Variants in MYO16 observed in about 807,000 individuals in gnomAD.
The protein encoded by MYO16 is myosin XVI, also known as unconventional myosin-XVI.
In MYO16, 94 loss-of-function variants were observed where a neutral mutation model predicts 205.3. The observed-to-expected ratio is 0.46, with a 90% CI of 0.39 to 0.54. The LOEUF (loss-of-function observed/expected upper bound fraction) is 0.54. Among genes scored for constraint, MYO16 ranks in the 20% least tolerant of loss-of-function variants. The probability of loss-of-function intolerance (pLI) is 0.00; values close to 1 mark genes in which losing one functional copy is unlikely to be tolerated. For synonymous variants in MYO16, 988 were observed against 954.0 expected, an observed-to-expected ratio of 1.04 and a Z score of -0.66; for missense variants, 2,315 against 2,387.5, an observed-to-expected ratio of 0.97 and a Z score of 0.63.
chr13:108,528,711 G>A, the MYO16 span, among the ~76,000 whole-genome samples: 1 of 27,056 alleles, frequency 3.7e-5, no homozygotes, highest in African/African-American at 1.2e-4. Flanking sequence ...CTCCTCTCCC[G>A]TCACGTCACC....
rs557330729 is a variant in MYO16, at chr13:109,121,343, G to A, written c.3535+877G>A. On this transcript the variant is annotated intron_variant, in intron 29 of 34. Coordinates refer to ENST00000457511, the MANE Select transcript of MYO16 (RefSeq NM_001198950.3). ...TGATGAAGGTAAAAAGTCTTCTAAC[G>A]ATAAAAAGACCTGCTTATGGCAGGT... is the stretch of plus-strand genomic sequence containing the variant. Among the ~76,000 whole-genome samples the A allele has an allele frequency of 5.3e-5, 8 of 152,266 alleles. No homozygotes were observed. In the East Asian group the frequency reaches 1.2e-3, roughly 22 times the overall value.
chr13:108,998,976 T>C (rs1475564394), intron 21 of MYO16, among the ~76,000 whole-genome samples: 1 of 152,208 alleles, frequency 6.6e-6, no homozygotes, highest in African/African-American at 2.4e-5. Context: ...TAGTATTACT[T>C]CCTCTGTAGG....
intron 33 of MYO16, among the ~76,000 whole-genome samples, chr13:109,174,135 G>T (rs1321533191): frequency 1.3e-5 from 2 of 152,006 alleles, no homozygotes; most frequent in Non-Finnish European, 2.9e-5. Context: ...AGAAGAGGAA[G>T]GTGTCAAGAA....
chr13:108,671,812 C>G (rs1450432433), intron 2 of MYO16, among the ~76,000 whole-genome samples: 1 of 152,100 alleles, frequency 6.6e-6, no homozygotes, highest in Non-Finnish European at 1.5e-5. Context: ...GAAGAGGAAG[C>G]TCTGATTTCT....
chr13:108,722,858 T>C (rs1884213797), intron 3 of MYO16, among the ~76,000 whole-genome samples: 1 of 152,062 alleles, frequency 6.6e-6, no homozygotes, highest in African/African-American at 2.4e-5. Context: ...GTCAAGGCAC[T>C]GAGTCTAGTG....
intron 1 of MYO16, among the ~76,000 whole-genome samples, chr13:108,645,508 G>C (rs1880714177): frequency 6.6e-6 from 1 of 152,002 alleles, no homozygotes; most frequent in African/African-American, 2.4e-5. Context: ...TCTGTGCCCC[G>C]ATCTCCTTCC....
At chr13:108,510,465 T>TTTG in the MYO16 span, among the ~76,000 whole-genome samples, 3,282 of 54,994 alleles carry the variant, frequency 0.06, 201 homozygotes, top group African/African-American at 0.094. Flanking sequence ...ATAGCTGTTT[T>TTTG]TTTTTTTTTT....
chr13:108,922,468 A>G (rs1881786206), intron 16 of MYO16, among the ~76,000 whole-genome samples: 1 of 152,228 alleles, frequency 6.6e-6, no homozygotes, highest in South Asian at 2.1e-4. Context: ...TACAAAAAAA[A>G]TTCCATTCTC....
At chr13:108,983,246 TCTC>T (rs1328593398) in intron 20 of MYO16, among the ~76,000 whole-genome samples, 1 of 152,182 alleles carries the variant, frequency 6.6e-6, no homozygotes, top group Non-Finnish European at 1.5e-5. Flanking sequence ...CCTCTTTCTC[TCTC>T]CTGTCTTCCT....
At position 108,616,550 on chromosome 13, in the gene MYO16, G is replaced by A. The variant is rs532260012; in HGVS notation, c.-39+20311G>A. 1.1e-4 allele frequency among the ~76,000 whole-genome samples: 16 copies of A among 152,140 alleles called. No homozygotes were observed. The South Asian group carries it at 1.9e-3, about 18-fold the overall frequency. Reference sequence around the variant, plus strand: ...GGCAGTAATCCTTTTTCCCTTGTTCGTGTATAAACCACGCTGCCGGTGAAT... The same window carrying A: ...GGCAGTAATCCTTTTTCCCTTGTTCATGTATAAACCACGCTGCCGGTGAAT... On this transcript the variant is annotated intron_variant, in intron 1 of 24. Coordinates refer to the MYO16 transcript ENST00000251041.
chr13:108,829,829 G>T (rs950351478), intron 9 of MYO16, among the ~76,000 whole-genome samples: 2 of 152,032 alleles, frequency 1.3e-5, no homozygotes, highest in African/African-American at 4.8e-5. Context: ...CAATAGATTT[G>T]GGAAAGCTCT....
intron 1 of MYO16, among the ~76,000 whole-genome samples, chr13:108,614,867 T>A (rs2139324753): frequency 1.2e-5 from 1 of 81,670 alleles, no homozygotes. Context: ...TTTAAATTCT[T>A]AAAACACAGG....
chr13:108,922,087 G>T (rs1287003123), intron 16 of MYO16, among the ~76,000 whole-genome samples: 1 of 152,208 alleles, frequency 6.6e-6, no homozygotes, highest in African/African-American at 2.4e-5. Flanking sequence ...CCTCTGTGCG[G>T]CTCTGTCCAG....
At chr13:108,615,114 A>G (rs1045211058) in intron 1 of MYO16, among the ~76,000 whole-genome samples, 1 of 152,126 alleles carries the variant, frequency 6.6e-6, no homozygotes, top group Non-Finnish European at 1.5e-5. Flanking sequence ...ATAACAATAA[A>G]AAGACAACCC....
intron 1 of MYO16, among the ~76,000 whole-genome samples, chr13:108,636,072 A>T (rs2139366219): frequency 6.6e-6 from 1 of 152,096 alleles, no homozygotes; most frequent in African/African-American, 2.4e-5. Context: ...TTCTGCATGC[A>T]CAATACCTAC....
At chr13:108,997,568 G>A (rs1350483112) in intron 21 of MYO16, among the ~76,000 whole-genome samples, 1 of 152,038 alleles carries the variant, frequency 6.6e-6, no homozygotes, top group African/African-American at 2.4e-5. Flanking sequence ...GCCGGGCCCA[G>A]TGGCTCACAC....
At chr13:108,955,882 T>G (rs1883330419) in intron 16 of MYO16, among the ~76,000 whole-genome samples, 1 of 151,848 alleles carries the variant, frequency 6.6e-6, no homozygotes, top group Non-Finnish European at 1.5e-5. Context: ...AAAAACACCT[T>G]CTCCTTTTGT....
At chr13:108,606,532 T>C (rs1351381902) in intron 1 of MYO16, among the ~76,000 whole-genome samples, 1 of 152,160 alleles carries the variant, frequency 6.6e-6, no homozygotes, top group African/African-American at 2.4e-5. Context: ...GTCCTCTGGG[T>C]ACACGGAAGT....
chr13:109,105,841 G>A (rs1279597213), intron 28 of MYO16, among the ~76,000 whole-genome samples: 1 of 152,138 alleles, frequency 6.6e-6, no homozygotes, highest in East Asian at 1.9e-4. Flanking sequence ...ATAAGTTTTG[G>A]CAAAGTCATA....
Sources: allele counts gnomAD v4.1 joint callset (sites outside exome capture counted in the v4.1 genomes callset), GRCh38; gene constraint gnomAD v4.1.1; transcripts MANE v1.5; gene names NCBI Gene and HGNC (gene_info 2026-07-23, HGNC 2026-07-21).